UNC13C: variants seen among roughly 807,000 people sequenced by gnomAD.
UNC13C encodes the protein unc-13 homolog C, also known as protein unc-13 homolog C.
Under a neutral mutation model 245.4 loss-of-function variants are expected in UNC13C, and 174 were observed. That is an observed-to-expected ratio of 0.71 (90% CI 0.63 to 0.80). The LOEUF is 0.80. Among genes scored for constraint, UNC13C ranks in the 30% least tolerant of loss-of-function variants. The pLI, the probability that UNC13C is intolerant of heterozygous loss-of-function variation, is 0.00. For missense variants in UNC13C, 2,829 were observed against 2,602.9 expected (o/e 1.09, Z -1.89); for synonymous variants, 992 against 895.1 (o/e 1.11, Z -1.93).
rs773669598 is a variant in UNC13C at position 53,990,865 on chromosome 15, A to G, written c.-257+11938A>G. 3.3e-5 allele frequency among the ~76,000 whole-genome samples: 5 copies of G among 152,144 alleles called. No individual in the cohort carries two copies. The South Asian group carries it at 8.3e-4, about 25-fold the overall frequency. The stretch of plus-strand genomic sequence containing the variant: ...TCTAAAGTGGCCAGGTGGCAACCAT[A>G]TGTTAAAAACCATATGATTTATCCA... On this transcript the variant is annotated intron_variant, in intron 1 of 32. Coordinates refer to ENST00000260323, the MANE Select transcript of UNC13C (RefSeq NM_001080534.3).
intron 14 of UNC13C, among the ~76,000 whole-genome samples, chr15:54,324,998 T>C (rs2038258369): frequency 6.6e-6 from 1 of 152,032 alleles, no homozygotes; most frequent in African/African-American, 2.4e-5. Flanking sequence ...CTATCATTAG[T>C]GTTAGCGTAT....
intron 19 of UNC13C, among the ~76,000 whole-genome samples, chr15:54,488,741 T>G (rs560937887): frequency 1.3e-5 from 2 of 152,312 alleles, no homozygotes; most frequent in East Asian, 3.9e-4. Flanking sequence ...TGAACCATTT[T>G]TATTCTGGTA....
chr15:54,104,867 C>T (rs552991260), intron 2 of UNC13C, among the ~76,000 whole-genome samples: 5 of 152,136 alleles, frequency 3.3e-5, no homozygotes, highest in South Asian at 4.2e-4. Flanking sequence ...GTGGCTGGTG[C>T]TCTGTATTCT....
chr15:54,226,956 A>G (rs923027739), intron 4 of UNC13C, among the ~76,000 whole-genome samples: 2 of 152,140 alleles, frequency 1.3e-5, no homozygotes, highest in East Asian at 3.9e-4. Flanking sequence ...CATTACCCAC[A>G]GCGTGGCAAG....
In UNC13C at chr15:54,129,566, CTAAG is replaced by C. The variant is rs1180488717; in HGVS notation, c.2984-13450_2984-13447del. 9.2e-4 allele frequency among the ~76,000 whole-genome samples: 140 copies of C among 151,794 alleles called. 2 individuals carry two copies. Among genetic ancestry groups the C allele is most frequent in the Non-Finnish European group, 1.8e-4 (12 of 67,862 alleles). On this transcript the variant is annotated intron_variant, in intron 2 of 32. Transcript: ENST00000260323. ...AATTTCTTTAATAATTGATATTGTG[CTAAG>C]TTTTTCTATTATTTTTGAGTAAATT...
At chr15:54,512,277 T>C (rs2141117965) in intron 24 of UNC13C, 1 of 448,444 alleles carries the variant, frequency 2.2e-6, no homozygotes, top group South Asian at 1.6e-5. Context: ...CTGTCAAAAA[T>C]GTGTTGTGTG....
At chr15:54,192,022 G>T (rs1440206791) in intron 4 of UNC13C, among the ~76,000 whole-genome samples, 1 of 151,930 alleles carries the variant, frequency 6.6e-6, no homozygotes, top group African/African-American at 2.4e-5. Flanking sequence ...TGATGAAGCT[G>T]TGGAGGAGCT....
At chr15:54,070,067 C>G (rs1898248508) in intron 2 of UNC13C, among the ~76,000 whole-genome samples, 1 of 152,216 alleles carries the variant, frequency 6.6e-6, no homozygotes, top group African/African-American at 2.4e-5. Flanking sequence ...AGCTGGTATT[C>G]TGATTTAGGT....
intron 19 of UNC13C, among the ~76,000 whole-genome samples, chr15:54,473,568 C>T (rs79399800): frequency 0.029 from 4,470 of 151,748 alleles, 177 homozygotes; most frequent in Admixed American, 0.12. Context: ...ATGAAATCAG[C>T]GATTTTAGCT....
chr15:54,155,675 C>T (rs1389895197), intron 4 of UNC13C, among the ~76,000 whole-genome samples: 1 of 152,044 alleles, frequency 6.6e-6, no homozygotes, highest in Admixed American at 6.6e-5. Flanking sequence ...TATTCTGTTA[C>T]AATATGGGAT....
intron 4 of UNC13C, among the ~76,000 whole-genome samples, chr15:54,150,886 A>C (rs575834027): frequency 6.6e-6 from 1 of 152,270 alleles, no homozygotes; most frequent in South Asian, 2.1e-4. Flanking sequence ...GTAGATTATA[A>C]ATAGTTTCTT....
chr15:54,547,101 A>G (rs1896520927), intron 27 of UNC13C, among the ~76,000 whole-genome samples: 1 of 152,210 alleles, frequency 6.6e-6, no homozygotes, highest in African/African-American at 2.4e-5. Flanking sequence ...TTCTATTTAT[A>G]GTGTTATCTG....
Position 54,379,502 on chromosome 15 carries a change from CT to C in UNC13C, c.4714-13540del, listed in dbSNP as rs567032627. Among the ~76,000 whole-genome samples, 697 of 151,936 alleles carry C rather than the reference CT, an allele frequency of 4.6e-3. 14 individuals carry two copies. The highest frequency in any genetic ancestry group is 0.016 in the African/African-American group (682 of 41,438). ...TTATCTTTTATAGCCTTTATTATAC[CT>C]TTTTTAATACCTTTATTATAAGTTA... On this transcript the variant is annotated intron_variant, in intron 17 of 32. Coordinates refer to ENST00000260323, the MANE Select transcript of UNC13C (RefSeq NM_001080534.3).
chr15:54,305,028 T>G (rs1275684560), intron 13 of UNC13C, among the ~76,000 whole-genome samples: 1 of 152,048 alleles, frequency 6.6e-6, no homozygotes, highest in African/African-American at 2.4e-5. Flanking sequence ...AGCATAGAGG[T>G]GCACTTCAAT....
At chr15:54,615,788 A>G (rs1252967393) in intron 30 of UNC13C, among the ~76,000 whole-genome samples, 1 of 152,036 alleles carries the variant, frequency 6.6e-6, no homozygotes, top group Non-Finnish European at 1.5e-5. Flanking sequence ...CTACTGCCCA[A>G]GTTCTTCTCT....
chr15:53,914,460 A>G, the UNC13C span: 1 of 152,174 alleles, frequency 6.6e-6, no homozygotes, highest in Non-Finnish European at 1.5e-5. Context: ...ACAGAAAGAG[A>G]GAGTCAGGGC....
chr15:54,169,564 C>A (rs2033308527), intron 4 of UNC13C, among the ~76,000 whole-genome samples: 1 of 152,096 alleles, frequency 6.6e-6, no homozygotes, highest in African/African-American at 2.4e-5. Context: ...TAACATGACC[C>A]AGAAGGCCTG....
chr15:54,191,462 T>G (rs2034180876), intron 4 of UNC13C, among the ~76,000 whole-genome samples: 1 of 152,218 alleles, frequency 6.6e-6, no homozygotes, highest in Non-Finnish European at 1.5e-5. Flanking sequence ...GATGGGCATT[T>G]GAGTTCGTTC....
intron 19 of UNC13C, among the ~76,000 whole-genome samples, chr15:54,453,688 A>C (rs1325192475): frequency 6.6e-6 from 1 of 152,180 alleles, no homozygotes. Flanking sequence ...TATATTGACA[A>C]ATTTTTTTCT....
Sources: gnomAD v4.1 joint callset for allele counts (sites outside exome capture counted in the v4.1 genomes callset) on GRCh38, gnomAD v4.1.1 for gene constraint, MANE v1.5 for transcripts, NCBI Gene and HGNC (gene_info 2026-07-23, HGNC 2026-07-21) for gene names.